The following PINX1 variants were observed in gnomAD, a reference collection of about 807,000 sequenced individuals.
PINX1 encodes PIN2/TERF1-interacting telomerase inhibitor 1.
PINX1 carries 34 observed loss-of-function variants against 25.4 expected under a neutral mutation model. The ratio of observed to expected loss-of-function variants is 1.34; its 90% CI spans 1.02 to 1.78. The LOEUF (loss-of-function observed/expected upper bound fraction) is 1.78, where lower values mean the gene tolerates loss of function less well. Ranked by LOEUF, PINX1 falls within the 40% of genes most tolerant of loss-of-function variation. The pLI, the probability that PINX1 is intolerant of heterozygous loss-of-function variation, is 0.00. For synonymous variants in PINX1, 197 were observed against 147.7 expected (o/e 1.33, Z -2.42); for missense variants, 592 against 404.9 (o/e 1.46, Z -3.97).
intron 6 of PINX1, among the ~76,000 whole-genome samples, chr8:10,768,181 G>A (rs562964937): frequency 6.6e-6 from 1 of 152,236 alleles, no homozygotes; most frequent in Non-Finnish European, 1.5e-5. Context: ...GACGACGGCT[G>A]GCTCGTTTAT....
intron 6 of PINX1, among the ~76,000 whole-genome samples, chr8:10,769,112 G>C (rs1801147028): frequency 3.9e-5 from 6 of 152,150 alleles, no homozygotes. Flanking sequence ...AAAACTTCTG[G>C]TTCCATATAA....
Position 10,775,410 on chromosome 8 carries a change from GTTTTTTTT to G in PINX1, c.472-9502_472-9495del, listed in dbSNP as rs143926728. Among the ~76,000 whole-genome samples the G allele has an allele frequency of 1.2e-4, 13 of 109,614 alleles. No individual in the cohort carries two copies. In the East Asian group the frequency reaches 1.8e-3, roughly 15 times the overall value. 71.9% of individuals were successfully genotyped at this position (109,614 alleles called of 152,430 possible). Reference sequence around the variant, plus strand: ...AAGGATTAGTTCTGTCTGTTTTGTGGTTTTTTTTTTTTTTTTTTTTTTTTTTTTTTGCC... The same window carrying G: ...AAGGATTAGTTCTGTCTGTTTTGTGGTTTTTTTTTTTTTTTTTTTTTTGCC... On this transcript the variant is annotated intron_variant, in intron 6 of 6. Coordinates refer to ENST00000314787, the MANE Select transcript of PINX1 (RefSeq NM_017884.6).
intron 6 of PINX1, among the ~76,000 whole-genome samples, chr8:10,774,200 G>A (rs937547193): frequency 1.3e-5 from 2 of 152,076 alleles, no homozygotes; most frequent in Admixed American, 6.5e-5. Context: ...CAACTCAAAT[G>A]TAGGCTCCTT....
rs1429784900 is a variant in PINX1 at position 10,834,530 on chromosome 8, C to T, written c.129+136G>A. 3.1e-6 allele frequency: 4 copies of T among 1,300,900 alleles called. No homozygotes were observed. In the African/African-American group the frequency reaches 6.0e-5, roughly 19 times the overall value. 80.6% of individuals were successfully genotyped at this position (1,300,900 alleles called of 1,614,324 possible). A position where few individuals can be genotyped will look rare whatever the true frequency, so the allele number is the denominator to read the frequency against. ...CTAATTTATCATCATAAGGTCACAA[C>T]AATTTTTGATTTGGGATCAAAATCA... On this transcript the variant is annotated intron_variant, in intron 2 of 6. Coordinates refer to ENST00000314787, the MANE Select transcript of PINX1 (RefSeq NM_017884.6).
chr8:10,827,915 A>C (rs1798107075), intron 4 of PINX1, among the ~76,000 whole-genome samples: 1 of 151,328 alleles, frequency 6.6e-6, no homozygotes, highest in African/African-American at 2.4e-5. Flanking sequence ...CATCTCAAAA[A>C]AAAAAAAAAA....
At chr8:10,803,572 G>C (rs972561885) in intron 6 of PINX1, among the ~76,000 whole-genome samples, 4 of 152,010 alleles carry the variant, frequency 2.6e-5, no homozygotes, top group African/African-American at 7.2e-5. Flanking sequence ...CTGGATTTTT[G>C]TTTGTTTCCT....
chr8:10,795,064 A>T (rs977471784), intron 6 of PINX1, among the ~76,000 whole-genome samples: 1 of 152,238 alleles, frequency 6.6e-6, no homozygotes, highest in Non-Finnish European at 1.5e-5. Context: ...GTGGGTATGC[A>T]TTCAGAGAAT....
intron 6 of PINX1, among the ~76,000 whole-genome samples, chr8:10,796,190 G>T (rs994687747): frequency 4.6e-5 from 7 of 152,140 alleles, no homozygotes; most frequent in African/African-American, 1.7e-4. Flanking sequence ...AGCTTGATTG[G>T]CTCAGATAAG....
intron 6 of PINX1, among the ~76,000 whole-genome samples, chr8:10,785,876 C>T (rs1801732155): frequency 6.6e-6 from 1 of 152,202 alleles, no homozygotes; most frequent in Admixed American, 6.5e-5. Context: ...TAGTTCTTTT[C>T]TCTTTAGCTA....
intron 2 of PINX1, chr8:10,834,332 G>C (rs1563240951): frequency 9.3e-6 from 2 of 215,954 alleles, no homozygotes; most frequent in Non-Finnish European, 1.8e-5. Flanking sequence ...TTGGCACTTA[G>C]AGATCGCTAA....
intron 6 of PINX1, among the ~76,000 whole-genome samples, chr8:10,774,368 G>A (rs967034603): frequency 2.0e-5 from 3 of 150,886 alleles, no homozygotes; most frequent in South Asian, 2.1e-4. Context: ...CGCAACCTCC[G>A]CCTCCAGGGT....
chr8:10,787,158 TTA>T (rs149669854), intron 6 of PINX1, among the ~76,000 whole-genome samples: 9 of 151,844 alleles, frequency 5.9e-5, no homozygotes, highest in East Asian at 1.9e-4. Flanking sequence ...ATTTGATATA[TTA>T]TATATATAAA....
chr8:10,839,583 C>A, intron 1 of PINX1, 155 bp downstream of exon 1: 2 of 722,786 alleles, frequency 2.8e-6, no homozygotes, highest in African/African-American at 1.8e-5. Flanking sequence ...CTGCGGCGAG[C>A]AGGACAATCA....
At chr8:10,832,757 A>C (rs567927576) in intron 3 of PINX1, 135 bp downstream of exon 3, 2 of 546,358 alleles carry the variant, frequency 3.7e-6, no homozygotes, top group South Asian at 2.7e-5. Flanking sequence ...TCAAAGCGTC[A>C]GTGTTCAAGA....
chr8:10,775,801 T>C (rs1402717687), intron 6 of PINX1, among the ~76,000 whole-genome samples: 1 of 152,194 alleles, frequency 6.6e-6, no homozygotes, highest in East Asian at 1.9e-4. Flanking sequence ...TGCAATCATT[T>C]GCAAGACAGG....
At chr8:10,781,912 G>A (rs1036558890) in intron 6 of PINX1, among the ~76,000 whole-genome samples, 41 of 151,786 alleles carry the variant, frequency 2.7e-4, no homozygotes, top group Non-Finnish European at 3.1e-4. Flanking sequence ...TTGCATAATA[G>A]CCAAGACATG....
At chr8:10,839,459 C>G (rs1457425418) in intron 1 of PINX1, among the ~76,000 whole-genome samples, 2 of 152,242 alleles carry the variant, frequency 1.3e-5, no homozygotes, top group African/African-American at 4.8e-5. Flanking sequence ...AGTCCCGGGA[C>G]CCGGTGTTCT....
intron 6 of PINX1, among the ~76,000 whole-genome samples, chr8:10,804,197 G>A (rs1802360640): frequency 6.6e-6 from 1 of 152,234 alleles, no homozygotes; most frequent in Admixed American, 6.5e-5. Context: ...GTGAGAGGCA[G>A]GATGGAGATG....
chr8:10,809,967 C>T (rs1417709588), intron 6 of PINX1, among the ~76,000 whole-genome samples: 2 of 152,192 alleles, frequency 1.3e-5, no homozygotes, highest in African/African-American at 4.8e-5. Flanking sequence ...CCTGGTGAGG[C>T]CTTGGGAAGC....
Sources: allele counts gnomAD v4.1 joint callset (sites outside exome capture counted in the v4.1 genomes callset), GRCh38; gene constraint gnomAD v4.1.1; transcripts MANE v1.5; gene names NCBI Gene and HGNC (gene_info 2026-07-23, HGNC 2026-07-21).